The following NBPF11 variants were observed in gnomAD, a reference collection of about 807,000 sequenced individuals.
NBPF11 encodes NBPF member 11.
NBPF11 carries 72 observed loss-of-function variants against 93.9 expected under a neutral mutation model. The observed-to-expected ratio is 0.77, with a 90% CI of 0.63 to 0.93. The LOEUF is 0.93. Among genes scored for constraint, NBPF11 ranks in the 40% least tolerant of loss-of-function variants. The pLI is 0.00. For missense variants in NBPF11, 705 were observed against 802.2 expected (o/e 0.88, Z 1.46); for synonymous variants, 224 against 304.9 (o/e 0.73, Z 2.76).
At chr1:148,147,041 T>C in intron 1 of NBPF11, 1 of 1,018,372 alleles carries the variant, frequency 9.8e-7, no homozygotes, top group Non-Finnish European at 1.4e-6. Flanking sequence ...GGAGCCACAG[T>C]GGATGCACAG....
In NBPF11 at chr1:148,102,535, T is replaced by G. The variant is rs1382826592; in HGVS notation, c.*1361A>C. ...AAACTAGACCTTCTCTGCCCGCAGA[T>G]GGGCTGAGGTTGGAAACTCACAGCA... is the stretch of plus-strand genomic sequence containing the variant. On this transcript the variant is annotated 3_prime_UTR_variant, in exon 24 of 24. Coordinates refer to ENST00000682118, the MANE Select transcript of NBPF11 (RefSeq NM_001385469.3). The G allele has an allele frequency of 1.3e-5, 2 of 151,804 alleles. No individual in the cohort carries two copies. The highest frequency in any genetic ancestry group is 6.8e-3 in the Middle Eastern group (2 of 294). 9.4% of individuals were successfully genotyped at this position (151,804 alleles called of 1,614,324 possible).
intron 9 of NBPF11, among the ~76,000 whole-genome samples, chr1:148,121,225 G>T (rs1212637364): frequency 1.3e-5 from 2 of 151,832 alleles, no homozygotes; most frequent in African/African-American, 4.9e-5. Context: ...TGTATTTTTA[G>T]TAGAGATGGG....
rs71270029 is a variant in NBPF11 at position 148,108,842 on chromosome 1, GACACACACAC to G, written c.1854-198_1854-189del. 5.2e-3 allele frequency among the ~76,000 whole-genome samples: 585 copies of G among 112,736 alleles called. 2 individuals carry two copies. Among genetic ancestry groups the G allele is most frequent in the African/African-American group, 0.016 (472 of 28,820 alleles). The allele number at this position is 112,736 out of a possible 152,430, so 74.0% of individuals were successfully genotyped here. Reference sequence around the variant, plus strand: ...CAGGTAGAAAAGGATGAAAGAGAAAGACACACACACACACACACACACACACACACACACA... The same window carrying G: ...CAGGTAGAAAAGGATGAAAGAGAAAGACACACACACACACACACACACACA... On this transcript the variant is annotated intron_variant, in intron 17 of 23. Coordinates refer to ENST00000682118, the MANE Select transcript of NBPF11 (RefSeq NM_001385469.3).
chr1:148,108,112 T>A lies in NBPF11; in HGVS notation c.2027-350A>T, dbSNP rs1252411629. Among the ~76,000 whole-genome samples, 15 of 149,384 alleles carry A rather than the reference T, an allele frequency of 1.0e-4. 1 individual carries two copies. In the South Asian group the frequency reaches 3.2e-3, roughly 32 times the overall value. On this transcript the variant is annotated intron_variant, in intron 18 of 23. Coordinates refer to ENST00000682118, the MANE Select transcript of NBPF11 (RefSeq NM_001385469.3). ...TATTCAGCCCTGTCTCATCAAATAC[T>A]CAGATTGTTCATGGTAGTGAGGATT... is the stretch of plus-strand genomic sequence containing the variant.
At chr1:148,146,036 T>C (rs1166077181) in intron 1 of NBPF11, among the ~76,000 whole-genome samples, 1 of 151,964 alleles carries the variant, frequency 6.6e-6, no homozygotes, top group Non-Finnish European at 1.5e-5. Flanking sequence ...CAGAAAAGCA[T>C]ATCAATGAAA....
chr1:148,149,624 G>T, intron 1 of NBPF11: 2 of 1,506,444 alleles, frequency 1.3e-6, no homozygotes, highest in Non-Finnish European at 9.0e-7. Context: ...CTCACCCCGC[G>T]CCGGCCCCCA....
intron 11 of NBPF11, among the ~76,000 whole-genome samples, chr1:148,118,398 T>G (rs1667062720): frequency 1.3e-5 from 2 of 151,548 alleles, no homozygotes; most frequent in Admixed American, 1.3e-4. Context: ...CAACAATTAC[T>G]TGTTTGAAAA....
intron 3 of NBPF11, among the ~76,000 whole-genome samples, chr1:148,136,361 A>G (rs1671283394): frequency 6.6e-6 from 1 of 151,946 alleles, no homozygotes; most frequent in Non-Finnish European, 1.5e-5. Flanking sequence ...TTGTATTCAA[A>G]TATCTATCAA....
At chr1:148,147,829 C>T (rs1428714841) in intron 1 of NBPF11, among the ~76,000 whole-genome samples, 11 of 152,024 alleles carry the variant, frequency 7.2e-5, no homozygotes, top group Non-Finnish European at 1.6e-4. Flanking sequence ...GCGGCTTCCT[C>T]GGCCCCTCCT....
chr1:148,111,624 C>A (rs1459214676), intron 15 of NBPF11, among the ~76,000 whole-genome samples: 1 of 151,042 alleles, frequency 6.6e-6, no homozygotes, highest in Non-Finnish European at 1.5e-5. Context: ...CTTCAGTAGC[C>A]AATTCGATCA....
intron 11 of NBPF11, 30 bp downstream of exon 11, chr1:148,118,590 C>A (rs1274995658): frequency 1.3e-5 from 21 of 1,586,858 alleles, no homozygotes; most frequent in Non-Finnish European, 1.6e-5. Flanking sequence ...CACACCTGCC[C>A]CCCTGCCTGC....
At chr1:148,125,559 CAAAT>C (rs1277191239) in intron 5 of NBPF11, among the ~76,000 whole-genome samples, 1 of 151,890 alleles carries the variant, frequency 6.6e-6, no homozygotes, top group African/African-American at 2.4e-5. Flanking sequence ...AAAATATGCC[CAAAT>C]ACTTTATTAG....
chr1:148,149,211 C>A, intron 1 of NBPF11: 2 of 1,547,928 alleles, frequency 1.3e-6, no homozygotes, highest in South Asian at 1.1e-5. Flanking sequence ...AGCATCGGCA[C>A]GGTGCCCACC....
chr1:148,106,270 A>G, intron 20 of NBPF11, 38 bp from the exon 21 acceptor site: 1 of 624,120 alleles, frequency 1.6e-6, no homozygotes, highest in South Asian at 1.9e-5. Context: ...AAAATAAGCC[A>G]ATTCACCTAC....
intron 6 of NBPF11, among the ~76,000 whole-genome samples, 176 bp from the exon 7 acceptor site, chr1:148,124,243 T>C (rs1235327249): frequency 2.6e-5 from 4 of 151,758 alleles, no homozygotes; most frequent in African/African-American, 9.7e-5. Flanking sequence ...TCTACAGGCT[T>C]TCCCTCTATC....
At chr1:148,105,847 CTGAG>C (rs1391051953) in intron 21 of NBPF11, among the ~76,000 whole-genome samples, 1 of 139,660 alleles carries the variant, frequency 7.2e-6, no homozygotes, top group African/African-American at 2.9e-5. Flanking sequence ...ACAGGACACT[CTGAG>C]TTAGTGCCCT....
Position 148,122,140 on chromosome 1 carries a change from A to C in NBPF11, c.693T>G (p.Phe231Leu). 1 of 1,613,370 alleles carries C rather than the reference A, an allele frequency of 6.2e-7. No individual in the cohort carries two copies. Residue 231 changes from phenylalanine to leucine, a missense_variant, in exon 9 of 24, where the codon TTT becomes TTG. Physicochemically the swap from Phe to Leu is conservative, Grantham distance 22. Transcript: ENST00000682118. ...IQPHKNIKIT[F>L]EEDKVNSSLV... ...GAGATGAGTTGACTTTGTCTTCCTC[A>C]AATGTGATTTTGATGTTCTTGTGAG...
At chr1:148,110,234 A>G (rs1664924164) in intron 16 of NBPF11, 144 bp downstream of exon 16, 3 of 953,778 alleles carry the variant, frequency 3.1e-6, no homozygotes, top group Admixed American at 1.7e-5. Flanking sequence ...TCGACTCCAG[A>G]GTGATTGAAA....
At chr1:148,116,653 C>T (rs1432327116) in intron 12 of NBPF11, 118 bp from the exon 13 acceptor site, 10 of 592,204 alleles carry the variant, frequency 1.7e-5, no homozygotes, top group African/African-American at 3.8e-5. Flanking sequence ...CAACTGAAAA[C>T]TCTCATGTTT....
Sources: allele counts gnomAD v4.1 joint callset (sites outside exome capture counted in the v4.1 genomes callset), GRCh38; gene constraint gnomAD v4.1.1; transcripts MANE v1.5; gene names NCBI Gene and HGNC (gene_info 2026-07-23, HGNC 2026-07-21).